Variants in SORCS1 observed in about 807,000 individuals in gnomAD.
SORCS1 encodes VPS10 domain-containing receptor SorCS1.
SORCS1 carries 60 observed loss-of-function variants against 146.1 expected under a neutral mutation model. The observed-to-expected ratio is 0.41, with a 90% confidence interval of 0.33 to 0.51. The LOEUF is 0.51. Ranked by LOEUF, SORCS1 falls within the 20% of genes least tolerant of loss-of-function variation. The pLI, the probability that SORCS1 is intolerant of heterozygous loss-of-function variation, is 0.21. For synonymous variants in SORCS1, 637 were observed against 584.0 expected (o/e 1.09, Z -1.31); for missense variants, 1,352 against 1,487.6 (o/e 0.91, Z 1.50).
chr10:106,633,102 G>A (rs910210762), intron 18 of SORCS1, among the ~76,000 whole-genome samples: 4 of 152,084 alleles, frequency 2.6e-5, no homozygotes, highest in Non-Finnish European at 5.9e-5. Context: ...GGACTTGTGG[G>A]TCAAATTCCT....
At position 107,035,600 on chromosome 10, in the gene SORCS1, G is replaced by GAGGCAT. The variant is rs535813955; in HGVS notation, c.559-79026_559-79021dup. ...ACGGTCAATCAGATTTTCTACAGAT[G>GAGGCAT]AGGCATAGGGCTCACTAACTGATTG... On this transcript the variant is annotated intron_variant, in intron 1 of 25. Coordinates refer to ENST00000263054, the MANE Select transcript of SORCS1 (RefSeq NM_052918.5). Among the ~76,000 whole-genome samples the GAGGCAT allele has an allele frequency of 6.6e-5, 10 of 152,276 alleles. 1 individual carries two copies. In the South Asian group the frequency reaches 2.1e-3, roughly 32 times the overall value.
rs1848288995 is a variant in SORCS1 at position 106,629,261 on chromosome 10, G to T, written c.2603C>A (p.Thr868Asn). 1 of 1,614,082 alleles carries T rather than the reference G, an allele frequency of 6.2e-7. No individual in the cohort carries two copies. Among genetic ancestry groups the T allele is most frequent in the South Asian group, 1.1e-5 (1 of 91,050 alleles). The change falls in exon 19 of 26, where the codon ACC (threonine) becomes AAC (asparagine). Residue 868 changes from threonine to asparagine, a missense_variant. This residue lies in a region of SORCS1 where 648 missense variants were observed against 793.8 expected (regional missense o/e 0.82). Coordinates refer to ENST00000263054, the MANE Select transcript of SORCS1 (RefSeq NM_052918.5). ...VYQNVGIFRV[T>N]VQVDNSLGSD... ...ACCCAGACTGTTGTCCACCTGCACG[G>T]TCACACGGAAAATGCCCACGTTCTG...
chr10:107,010,123 GT>G (rs1957633574), intron 1 of SORCS1, among the ~76,000 whole-genome samples: 1 of 152,162 alleles, frequency 6.6e-6, no homozygotes, highest in Non-Finnish European at 1.5e-5. Flanking sequence ...CACAACACCT[GT>G]TTTCAAATGT....
intron 5 of SORCS1, among the ~76,000 whole-genome samples, chr10:106,736,683 G>C (rs1482343835): frequency 2.3e-5 from 3 of 132,500 alleles, no homozygotes; most frequent in South Asian, 5.1e-4. Flanking sequence ...CTGAGGTCTC[G>C]TCTGCGTCCA....
intron 1 of SORCS1, among the ~76,000 whole-genome samples, chr10:106,994,086 A>AAAAAAAAAAAAAAAAAAAAAAAAG (rs1554908001): frequency 7.4e-6 from 1 of 135,004 alleles, no homozygotes; most frequent in African/African-American, 3.5e-5. Flanking sequence ...AAAAAAAAAA[A>AAAAAAAAAAAAAAAAAAAAAAAAG]AGAAAATGAG....
rs1309478806 is a variant in SORCS1 at position 107,065,507 on chromosome 10, C to CTTT, written c.558+98461_558+98462insAAA. Reference sequence around the variant, plus strand: ...CCTCTCCTCTCCTCTCCTCTCCTCTCCTCTCTTTCTTTCTTTCTTTCTTTC... The same window carrying CTTT: ...CCTCTCCTCTCCTCTCCTCTCCTCTCTTTCTCTCTTTCTTTCTTTCTTTCTTTC... On this transcript the variant is annotated intron_variant, in intron 1 of 25. Transcript: ENST00000263054. Among the ~76,000 whole-genome samples the CTTT allele has an allele frequency of 1.6e-3, 69 of 43,938 alleles. 1 individual carries two copies. The highest frequency in any genetic ancestry group is 6.4e-3 in the African/African-American group (67 of 10,456). 28.8% of individuals were successfully genotyped at this position (43,938 alleles called of 152,430 possible).
intron 1 of SORCS1, among the ~76,000 whole-genome samples, chr10:106,992,346 G>C (rs996973231): frequency 3.3e-5 from 5 of 151,942 alleles, no homozygotes; most frequent in African/African-American, 1.2e-4. Flanking sequence ...GGCTGGTTTT[G>C]GACTTAAAAG....
chr10:106,796,582 C>G (rs777575806), intron 3 of SORCS1, among the ~76,000 whole-genome samples: 1 of 152,132 alleles, frequency 6.6e-6, no homozygotes, highest in Non-Finnish European at 1.5e-5. Context: ...TAAAGCTCAG[C>G]CTTTAGGCTA....
chr10:106,719,097 A>G (rs1855597403), intron 6 of SORCS1, among the ~76,000 whole-genome samples: 1 of 152,230 alleles, frequency 6.6e-6, no homozygotes, highest in African/African-American at 2.4e-5. Context: ...TTACAAAGAC[A>G]GTAGGGAGTA....
chr10:107,081,849 ACAAAGGAAAC>A (rs1442163970), intron 1 of SORCS1, among the ~76,000 whole-genome samples: 1 of 152,262 alleles, frequency 6.6e-6, no homozygotes, highest in African/African-American at 2.4e-5. Flanking sequence ...AGAAGAATTC[ACAAAGGAAAC>A]CATTGCTGTG....
At chr10:106,696,900 G>A (rs75030227) in intron 9 of SORCS1, among the ~76,000 whole-genome samples, 5,228 of 152,270 alleles carry the variant, frequency 0.034, 117 homozygotes, top group Middle Eastern at 0.071. Flanking sequence ...ACAAAAAGAG[G>A]GAAGAGGATA....
intron 1 of SORCS1, among the ~76,000 whole-genome samples, chr10:107,146,518 G>A (rs968310766): frequency 1.3e-5 from 2 of 152,230 alleles, no homozygotes; most frequent in African/African-American, 4.8e-5. Context: ...ATGGAGGATC[G>A]AGGCTATGAC....
the SORCS1 span, among the ~76,000 whole-genome samples, chr10:107,174,989 T>C: frequency 6.6e-6 from 1 of 152,216 alleles, no homozygotes; most frequent in African/African-American, 2.4e-5. Context: ...GAATAGGTTT[T>C]GAATTTTATT....
rs534519270 is a variant in SORCS1, at chr10:106,979,599, A to C, written c.559-23019T>G. Among the ~76,000 whole-genome samples, 8 of 152,268 alleles carry C rather than the reference A, an allele frequency of 5.3e-5. No homozygotes were observed. The East Asian group carries it at 5.8e-4, about 11-fold the overall frequency. On this transcript the variant is annotated intron_variant, in intron 1 of 25. Transcript: ENST00000263054. The stretch of plus-strand genomic sequence containing the variant: ...CAAACAAACAAAAAACAAAAAAAAA[A>C]CTGGAAGATCTGGAGGTACTGCGCT...
chr10:106,939,713 C>T (rs899643163), intron 2 of SORCS1, among the ~76,000 whole-genome samples: 19 of 152,164 alleles, frequency 1.2e-4, no homozygotes, highest in South Asian at 4.1e-4. Context: ...CACACCATTT[C>T]CCTTTGGAAG....
chr10:106,927,746 T>A (rs1420683418), intron 2 of SORCS1, among the ~76,000 whole-genome samples: 1 of 151,888 alleles, frequency 6.6e-6, no homozygotes, highest in Non-Finnish European at 1.5e-5. Context: ...CCCACCAGAG[T>A]AGCTAGATAC....
chr10:106,613,656 T>C (rs879530974), intron 21 of SORCS1, among the ~76,000 whole-genome samples: 2 of 152,194 alleles, frequency 1.3e-5, no homozygotes, highest in African/African-American at 4.8e-5. Flanking sequence ...TTACCCAGCA[T>C]AGTGTTTGGC....
rs893178206 is a variant in SORCS1, at chr10:106,922,711, C to T, written c.626+33802G>A. 3.3e-5 allele frequency among the ~76,000 whole-genome samples: 5 copies of T among 151,652 alleles called. No homozygotes were observed. The South Asian group carries it at 6.3e-4, about 19-fold the overall frequency. On this transcript the variant is annotated intron_variant, in intron 2 of 25. Coordinates refer to ENST00000263054, the MANE Select transcript of SORCS1 (RefSeq NM_052918.5). Reference sequence around the variant, plus strand: ...CTGACCTATTATTATCGCCCAAATCCGCAGTTTACGTTAGGGTTCATCCTA... The same window carrying T: ...CTGACCTATTATTATCGCCCAAATCTGCAGTTTACGTTAGGGTTCATCCTA...
At chr10:107,037,019 G>T (rs772064945) in intron 1 of SORCS1, among the ~76,000 whole-genome samples, 12 of 152,126 alleles carry the variant, frequency 7.9e-5, no homozygotes, top group Non-Finnish European at 1.6e-4. Context: ...GCCGAGGCAG[G>T]TGGATCATCT....
Sources: gnomAD v4.1 joint callset for allele counts (sites outside exome capture counted in the v4.1 genomes callset) on GRCh38, gnomAD v4.1.1 for gene constraint, gnomAD v4.1.1 regional missense constraint, MANE v1.5 for transcripts, NCBI Gene and HGNC (gene_info 2026-07-23, HGNC 2026-07-21) for gene names.